The following PAK5 variants were observed in gnomAD, a reference collection of about 807,000 sequenced individuals.
The protein encoded by PAK5 is serine/threonine-protein kinase PAK 5.
Under a neutral mutation model 65.9 loss-of-function variants are expected in PAK5, and 16 were observed. The ratio of observed to expected loss-of-function variants is 0.24; its 90% CI spans 0.16 to 0.37. The LOEUF is 0.37. Among genes scored for constraint, PAK5 ranks in the 10% least tolerant of loss-of-function variants. The probability of loss-of-function intolerance (pLI) is 1.00; values close to 1 mark genes in which losing one functional copy is unlikely to be tolerated. For synonymous variants in PAK5, 371 were observed against 354.9 expected (o/e 1.05, Z -0.51); for missense variants, 785 against 903.9 (o/e 0.87, Z 1.69).
chr20:9,596,808 T>C (rs964441452), intron 3 of PAK5, among the ~76,000 whole-genome samples: 2 of 152,112 alleles, frequency 1.3e-5, no homozygotes, highest in African/African-American at 4.8e-5. Flanking sequence ...TCCTAGTATT[T>C]GAGGTTGAAA....
At chr20:9,544,625 A>G in intron 7 of PAK5, 131 bp from the exon 8 acceptor site, 3 of 768,706 alleles carry the variant, frequency 3.9e-6, no homozygotes, top group Non-Finnish European at 6.4e-6. Flanking sequence ...ATATCAGAGG[A>G]GGGACTGTCA....
intron 1 of PAK5, among the ~76,000 whole-genome samples, chr20:9,785,893 G>A (rs1228939631): frequency 4.6e-5 from 7 of 152,102 alleles, no homozygotes; most frequent in Non-Finnish European, 8.8e-5. Context: ...GGTCAGAAAA[G>A]TAGTGTCCTA....
intron 1 of PAK5, among the ~76,000 whole-genome samples, chr20:9,819,052 C>T (rs911704656): frequency 6.6e-6 from 1 of 151,982 alleles, no homozygotes; most frequent in Non-Finnish European, 1.5e-5. Context: ...CATGAGAAAG[C>T]CAAAGAAAGA....
intron 3 of PAK5, among the ~76,000 whole-genome samples, chr20:9,642,340 T>A (rs1391851220): frequency 6.6e-6 from 1 of 152,214 alleles, no homozygotes; most frequent in African/African-American, 2.4e-5. Context: ...TTTTTAATGA[T>A]CACCATTCTA....
At chr20:9,594,044 G>A (rs1262172066) in intron 3 of PAK5, among the ~76,000 whole-genome samples, 1 of 152,216 alleles carries the variant, frequency 6.6e-6, no homozygotes, top group East Asian at 1.9e-4. Context: ...TCATCAGGGT[G>A]GAGGCCAGGG....
intron 2 of PAK5, among the ~76,000 whole-genome samples, chr20:9,682,050 A>G (rs139997692): frequency 6.6e-6 from 1 of 152,268 alleles, no homozygotes; most frequent in African/African-American, 2.4e-5. Context: ...AGCTATGTTG[A>G]CAGGTACTAG....
intron 3 of PAK5, among the ~76,000 whole-genome samples, chr20:9,641,527 C>T (rs1387128320): frequency 6.6e-6 from 1 of 150,618 alleles, no homozygotes; most frequent in Non-Finnish European, 1.5e-5. Flanking sequence ...GCTGGCTTCA[C>T]CTAGTGGATC....
At chr20:9,562,765 G>A in intron 6 of PAK5, 126 bp downstream of exon 6, 1 of 765,790 alleles carries the variant, frequency 1.3e-6, no homozygotes, top group Non-Finnish European at 2.2e-6. Context: ...GAATGTAGGG[G>A]AAAGGGTAGT....
intron 1 of PAK5, among the ~76,000 whole-genome samples, chr20:9,781,085 T>C (rs79306675): frequency 2.4e-3 from 361 of 152,326 alleles, no homozygotes; most frequent in Middle Eastern, 0.014. Context: ...CTATCACTGA[T>C]ATTTATCAAT....
intron 3 of PAK5, among the ~76,000 whole-genome samples, chr20:9,612,537 C>T (rs2123150130): frequency 6.6e-6 from 1 of 152,134 alleles, no homozygotes; most frequent in East Asian, 1.9e-4. Context: ...TGGGGAGGGG[C>T]CGCACATTTG....
At chr20:9,836,048 G>A (rs1979122600) in intron 1 of PAK5, among the ~76,000 whole-genome samples, 1 of 152,148 alleles carries the variant, frequency 6.6e-6, no homozygotes, top group Non-Finnish European at 1.5e-5. Flanking sequence ...CCAGGTAAGT[G>A]ACATGCATAA....
At chr20:9,642,157 T>G (rs1464417170) in intron 3 of PAK5, among the ~76,000 whole-genome samples, 1 of 152,202 alleles carries the variant, frequency 6.6e-6, no homozygotes, top group Non-Finnish European at 1.5e-5. Flanking sequence ...ACCTCTCACT[T>G]TGGGTATATA....
chr20:9,726,603 T>A (rs771967502), intron 1 of PAK5, among the ~76,000 whole-genome samples: 6 of 152,076 alleles, frequency 3.9e-5, no homozygotes, highest in Non-Finnish European at 8.8e-5. Flanking sequence ...AAAGTATAAA[T>A]AGAACTTTGA....
At chr20:9,715,153 A>G (rs2048127235) in intron 1 of PAK5, among the ~76,000 whole-genome samples, 1 of 152,246 alleles carries the variant, frequency 6.6e-6, no homozygotes, top group Admixed American at 6.5e-5. Context: ...TCATTTGACA[A>G]AGGGCTAATA....
chr20:9,726,100 G>T (rs200232303), intron 1 of PAK5, among the ~76,000 whole-genome samples: 5 of 152,100 alleles, frequency 3.3e-5, no homozygotes, highest in Non-Finnish European at 7.4e-5. Flanking sequence ...TAGAGGTGGG[G>T]TGGGCAGTTT....
At chr20:9,823,931 C>T (rs1346833320) in intron 1 of PAK5, among the ~76,000 whole-genome samples, 2 of 152,098 alleles carry the variant, frequency 1.3e-5, no homozygotes, top group Non-Finnish European at 2.9e-5. Context: ...ATCAATAGAG[C>T]AAGGCAGCAC....
At chr20:9,551,130 T>C (rs1026483947) in intron 7 of PAK5, among the ~76,000 whole-genome samples, 1 of 152,142 alleles carries the variant, frequency 6.6e-6, no homozygotes, top group Non-Finnish European at 1.5e-5. Flanking sequence ...GACAATTTTC[T>C]AAAAGAACAT....
At chr20:9,572,610 T>C (rs2045809756) in intron 4 of PAK5, among the ~76,000 whole-genome samples, 1 of 152,220 alleles carries the variant, frequency 6.6e-6, no homozygotes, top group Non-Finnish European at 1.5e-5. Context: ...GAAAACACAA[T>C]GCAGTGGAAT....
chr20:9,833,107 T>C (rs900173477), intron 1 of PAK5, among the ~76,000 whole-genome samples: 67 of 152,372 alleles, frequency 4.4e-4, no homozygotes, highest in East Asian at 9.6e-4. Flanking sequence ...CCACCTTGCA[T>C]ATAAACTTAT....
Sources: gnomAD v4.1 joint callset for allele counts (sites outside exome capture counted in the v4.1 genomes callset) on GRCh38, gnomAD v4.1.1 for gene constraint, MANE v1.5 for transcripts, NCBI Gene and HGNC (gene_info 2026-07-23, HGNC 2026-07-21) for gene names.